Variants in PCDHA13 observed in about 807,000 individuals in gnomAD.
PCDHA13 encodes protocadherin alpha-13.
In PCDHA13, 54 loss-of-function variants were observed where a neutral mutation model predicts 64.8. That is an observed-to-expected ratio of 0.83 (90% confidence interval 0.67 to 1.04). The LOEUF is 1.04. PCDHA13 is among the 50% of genes least tolerant of loss of function. The pLI, the probability that PCDHA13 is intolerant of heterozygous loss-of-function variation, is 0.00. For missense variants in PCDHA13, 1,248 were observed against 1,254.3 expected (o/e 0.99, Z 0.08); for synonymous variants, 587 against 564.4 (o/e 1.04, Z -0.57).
At chr5:140,972,854 G>C (rs895738831) in intron 1 of PCDHA13, among the ~76,000 whole-genome samples, 1 of 151,946 alleles carries the variant, frequency 6.6e-6, no homozygotes, top group African/African-American at 2.4e-5. Context: ...AGTAGAGATG[G>C]GGTTTCATCA....
chr5:140,995,237 T>G (rs1242320046), intron 3 of PCDHA13, among the ~76,000 whole-genome samples: 1 of 152,148 alleles, frequency 6.6e-6, no homozygotes, highest in African/African-American at 2.4e-5. Context: ...GGGCCAGTAT[T>G]AAGTAAAATA....
Position 140,882,203 on chromosome 5 carries a change from T to C in PCDHA13, c.-66T>C. 1 of 1,530,090 alleles carries C rather than the reference T, an allele frequency of 6.5e-7. No individual in the cohort carries two copies. Among genetic ancestry groups the C allele is most frequent in the East Asian group, 2.3e-5 (1 of 44,074 alleles). 94.8% of individuals were successfully genotyped at this position (1,530,090 alleles called of 1,614,324 possible). On this transcript the variant is annotated 5_prime_UTR_variant, in exon 1 of 4. Transcript: ENST00000289272. The stretch of plus-strand genomic sequence containing the variant: ...CTAGGAAGCCATAAAAATTGGGCCT[T>C]GAGAGACAGTTTGAGGTAAGGCGTT...
chr5:140,911,915 G>A (rs553932242), intron 1 of PCDHA13, among the ~76,000 whole-genome samples: 3 of 152,226 alleles, frequency 2.0e-5, no homozygotes, highest in African/African-American at 7.2e-5. Flanking sequence ...CTCTCTAGAG[G>A]ACAGAACTAA....
intron 1 of PCDHA13, chr5:140,966,461 C>A: frequency 2.3e-6 from 1 of 429,006 alleles, no homozygotes; most frequent in East Asian, 3.5e-5. Flanking sequence ...CCCCCTCTGT[C>A]TTCCCTTCTG....
At chr5:140,999,947 G>A (rs993598998) in intron 3 of PCDHA13, among the ~76,000 whole-genome samples, 1 of 152,110 alleles carries the variant, frequency 6.6e-6, no homozygotes, top group Non-Finnish European at 1.5e-5. Flanking sequence ...CACCCAAAGA[G>A]GGTGAAATAC....
At chr5:140,909,634 T>G (rs2074616296) in intron 1 of PCDHA13, among the ~76,000 whole-genome samples, 1 of 152,176 alleles carries the variant, frequency 6.6e-6, no homozygotes, top group Non-Finnish European at 1.5e-5. Flanking sequence ...GTCTTCCTAT[T>G]TTGTCTTTTC....
chr5:140,923,644 C>G (rs1554201552), intron 1 of PCDHA13, among the ~76,000 whole-genome samples: 1 of 152,204 alleles, frequency 6.6e-6, no homozygotes. Flanking sequence ...AAATCTTTAG[C>G]CTCCCTTATC....
At chr5:140,914,654 T>C (rs2076794688) in intron 1 of PCDHA13, among the ~76,000 whole-genome samples, 1 of 152,202 alleles carries the variant, frequency 6.6e-6, no homozygotes, top group Non-Finnish European at 1.5e-5. Flanking sequence ...CTCTCCCTTC[T>C]TTCCATCTTC....
In PCDHA13 at chr5:140,915,351, C is replaced by G. The variant is rs75854979; in HGVS notation, c.2394+30689C>G. Among the ~76,000 whole-genome samples, 843 of 152,202 alleles carry G rather than the reference C, an allele frequency of 5.5e-3. 10 individuals carry two copies. Among genetic ancestry groups the G allele is most frequent in the African/African-American group, 0.019 (796 of 41,530 alleles). On this transcript the variant is annotated intron_variant, in intron 1 of 3. Coordinates refer to ENST00000289272, the MANE Select transcript of PCDHA13 (RefSeq NM_018904.3). ...TAATATTCTGTGTTTTTCTGTATGC[C>G]TATTCTTACCAGTAAGTGTCTCGGC...
intron 1 of PCDHA13, among the ~76,000 whole-genome samples, chr5:140,925,122 GA>G (rs1298426256): frequency 2.7e-5 from 4 of 150,724 alleles, no homozygotes; most frequent in Non-Finnish European, 4.4e-5. Flanking sequence ...AGGAAGGAAG[GA>G]AAAAAAATTT....
chr5:140,884,488 G>T lies in PCDHA13; in HGVS notation c.2220G>T (p.Val740=). 6.2e-7 allele frequency: 1 copy of T among 1,614,046 alleles called. No homozygotes were observed. The highest frequency in any genetic ancestry group is 2.2e-5 in the East Asian group (1 of 44,876). Residue 740 remains valine, a synonymous_variant, in exon 1 of 4, where the codon GTG becomes GTT. Coordinates refer to ENST00000289272, the MANE Select transcript of PCDHA13 (RefSeq NM_018904.3). ...GACAPGKPTL[V]CSSAAGSWSY... is the part of the protein sequence containing the mutation. Reference sequence around the variant, plus strand: ...GCGCGCCGGGCAAGCCCACTCTAGTGTGCTCCAGCGCGGCAGGGAGTTGGT... The same window carrying T: ...GCGCGCCGGGCAAGCCCACTCTAGTTTGCTCCAGCGCGGCAGGGAGTTGGT...
chr5:140,897,368 GTTCCC>G (rs533733561), intron 1 of PCDHA13, among the ~76,000 whole-genome samples: 1,322 of 125,926 alleles, frequency 0.01, 14 homozygotes, highest in African/African-American at 0.03. Flanking sequence ...AGAGTGTGAT[GTTCCC>G]TTCCCCTTCC....
chr5:140,915,306 A>G (rs999638953), intron 1 of PCDHA13, among the ~76,000 whole-genome samples: 1 of 152,136 alleles, frequency 6.6e-6, no homozygotes, highest in Non-Finnish European at 1.5e-5. Context: ...ATAAGTTTAC[A>G]TACCACAATT....
Position 140,884,549 on chromosome 5 carries a change from G to C in PCDHA13, c.2281G>C (p.Gly761Arg), listed in dbSNP as rs782470468. 2 of 1,614,016 alleles carry C rather than the reference G, an allele frequency of 1.2e-6. No individual in the cohort carries two copies. Among genetic ancestry groups the C allele is most frequent in the Non-Finnish European group, 1.7e-6 (2 of 1,180,032 alleles). Residue 761 changes from glycine to arginine, a missense_variant, in exon 1 of 4, where the codon GGG becomes CGG. By Grantham distance (125) the Gly-to-Arg change is moderately radical (BLOSUM62 -2). Transcript: ENST00000289272. ...GCAGAGGCGGCCGAGGGTGTGCTCT[G>C]GGGAGGGCCCGCATAAGACGGACCT... Reference protein sequence around the residue: ...SQQRRPRVCSGEGPHKTDLMA... With the variant: ...SQQRRPRVCSREGPHKTDLMA...
In PCDHA13 at chr5:140,947,881, A is replaced by G. The variant is rs191017624; in HGVS notation, c.2395-31068A>G. On this transcript the variant is annotated intron_variant, in intron 1 of 3. Transcript: ENST00000289272. ...TATAATGGCTAGGACTTCCAGGACA[A>G]TATAAACAGAAGTGGTGAGAGCAGA... 2.7e-3 allele frequency among the ~76,000 whole-genome samples: 417 copies of G among 151,684 alleles called. 2 individuals carry two copies. Among genetic ancestry groups the G allele is most frequent in the Middle Eastern group, 0.014 (4 of 294 alleles).
intron 1 of PCDHA13, chr5:140,928,095 G>T (rs782045221): frequency 1.9e-6 from 3 of 1,614,190 alleles, no homozygotes; most frequent in Non-Finnish European, 1.7e-6. Flanking sequence ...TGATTGATGG[G>T]CCCCTGGACC....
At chr5:140,981,111 T>C (rs1275828842) in intron 2 of PCDHA13, among the ~76,000 whole-genome samples, 3 of 152,232 alleles carry the variant, frequency 2.0e-5, no homozygotes, top group African/African-American at 2.4e-5. Context: ...GAATTTCTAC[T>C]GGATATGTTG....
chr5:140,969,257 A>G, intron 1 of PCDHA13: 1 of 1,614,220 alleles, frequency 6.2e-7, no homozygotes, highest in Non-Finnish European at 8.5e-7. Context: ...TGACAGCAGG[A>G]ATCTCACAGG....
rs1459343581 is a variant in PCDHA13 at position 141,012,230 on chromosome 5, A to G, written c.*2293A>G. 1.3e-5 allele frequency: 2 copies of G among 153,766 alleles called. No individual in the cohort carries two copies. The highest frequency in any genetic ancestry group is 6.5e-5 in the Admixed American group (1 of 15,278). 9.5% of individuals were successfully genotyped at this position (153,766 alleles called of 1,614,324 possible). On this transcript the variant is annotated 3_prime_UTR_variant, in exon 4 of 4. Transcript: ENST00000289272. ...ACATTTGCGAAGTGCTTTCCAATCC[A>G]TGTTAGTTACTAGTTATTACAGCTG...
Sources: allele counts gnomAD v4.1 joint callset (sites outside exome capture counted in the v4.1 genomes callset), GRCh38; gene constraint gnomAD v4.1.1; transcripts MANE v1.5; gene names NCBI Gene and HGNC (gene_info 2026-07-23, HGNC 2026-07-21).